Variants in LDLRAD3 observed in about 807,000 individuals in gnomAD.
LDLRAD3 encodes low-density lipoprotein receptor class A domain-containing protein 3.
LDLRAD3 carries 20 observed loss-of-function variants against 29.4 expected under a neutral mutation model. The ratio of observed to expected loss-of-function variants is 0.68; its 90% CI spans 0.48 to 0.99. The LOEUF (loss-of-function observed/expected upper bound fraction) is 0.99. Ranked by LOEUF, LDLRAD3 falls within the 50% of genes least tolerant of loss-of-function variation. The pLI is 0.00. For missense variants in LDLRAD3, 420 were observed against 454.3 expected (o/e 0.92, Z 0.69); for synonymous variants, 157 against 192.7 (o/e 0.81, Z 1.53).
intron 4 of LDLRAD3, among the ~76,000 whole-genome samples, chr11:36,105,046 C>T (rs1177456673): frequency 1.3e-5 from 2 of 152,144 alleles, no homozygotes. Context: ...AAGCAGCCAC[C>T]AATGCCGGGA....
intron 4 of LDLRAD3, among the ~76,000 whole-genome samples, chr11:36,162,470 GA>G (rs1013127251): frequency 6.6e-5 from 10 of 152,308 alleles, no homozygotes; most frequent in Middle Eastern, 6.8e-3. Context: ...TAGACTTGTT[GA>G]GTGTGAAGCT....
At chr11:36,111,009 A>G (rs1385207765) in intron 4 of LDLRAD3, among the ~76,000 whole-genome samples, 5 of 152,162 alleles carry the variant, frequency 3.3e-5, no homozygotes, top group Non-Finnish European at 7.4e-5. Flanking sequence ...GTATGGCTGG[A>G]GCAAAGTGTG....
chr11:36,091,106 A>G (rs1450362550), intron 3 of LDLRAD3, among the ~76,000 whole-genome samples: 3 of 152,158 alleles, frequency 2.0e-5, no homozygotes, highest in African/African-American at 7.2e-5. Context: ...CCTCTCCCTC[A>G]GTTGCCTGGT....
chr11:36,102,747 T>C (rs1399068045), intron 4 of LDLRAD3, among the ~76,000 whole-genome samples: 1 of 152,186 alleles, frequency 6.6e-6, no homozygotes, highest in African/African-American at 2.4e-5. Flanking sequence ...TGGAGCAGGC[T>C]TTCGATGGCT....
chr11:36,172,415 G>C (rs1854610739), intron 4 of LDLRAD3, among the ~76,000 whole-genome samples: 1 of 151,804 alleles, frequency 6.6e-6, no homozygotes, highest in Non-Finnish European at 1.5e-5. Context: ...TTCTCGGGGG[G>C]ACTGCTTTCA....
intron 1 of LDLRAD3, among the ~76,000 whole-genome samples, chr11:35,985,010 G>A (rs1325278097): frequency 2.1e-5 from 3 of 145,166 alleles, no homozygotes; most frequent in African/African-American, 7.8e-5. Flanking sequence ...CTGCAGCCTC[G>A]AACTCCTGGG....
At chr11:36,061,189 G>T (rs1292911257) in intron 2 of LDLRAD3, among the ~76,000 whole-genome samples, 1 of 152,104 alleles carries the variant, frequency 6.6e-6, no homozygotes, top group Non-Finnish European at 1.5e-5. Context: ...CCCAGGCTGT[G>T]ATGCAGTGGT....
In LDLRAD3 at chr11:36,213,442, T is replaced by C. The variant is rs889675902; in HGVS notation, c.455-13643T>C. ...TCCGCATCTAAATTGGGATGGGTGATGTGCTTGGAATAGGGATCCGCAAAG... is the reference window on the plus strand; with the variant it reads ...TCCGCATCTAAATTGGGATGGGTGACGTGCTTGGAATAGGGATCCGCAAAG... On this transcript the variant is annotated intron_variant, in intron 4 of 5. Transcript: ENST00000315571. The surrounding 1 kb of genome is among the most constrained non-coding windows in gnomAD (Gnocchi z 4.1). Among the ~76,000 whole-genome samples the C allele has an allele frequency of 1.3e-5, 2 of 152,246 alleles. No individual in the cohort carries two copies. The highest frequency in any genetic ancestry group is 2.9e-5 in the Non-Finnish European group (2 of 68,038).
chr11:36,075,146 G>A (rs1343146781), intron 2 of LDLRAD3, among the ~76,000 whole-genome samples: 2 of 152,120 alleles, frequency 1.3e-5, no homozygotes, highest in Non-Finnish European at 2.9e-5. Context: ...CATAAAAACC[G>A]TGAGCACTGA....
At chr11:35,946,871 T>C (rs1851063907) in intron 1 of LDLRAD3, among the ~76,000 whole-genome samples, 1 of 152,166 alleles carries the variant, frequency 6.6e-6, no homozygotes, top group Non-Finnish European at 1.5e-5. Flanking sequence ...ACAGCTCAGC[T>C]CGGGAAGATG....
At chr11:36,014,901 G>C (rs562839213) in intron 1 of LDLRAD3, among the ~76,000 whole-genome samples, 138 of 152,216 alleles carry the variant, frequency 9.1e-4, no homozygotes, top group Non-Finnish European at 1.8e-3. Flanking sequence ...ACAAAAGAAG[G>C]GGGGAGCCCC....
chr11:35,985,557 C>T (rs1851604193), intron 1 of LDLRAD3, among the ~76,000 whole-genome samples: 1 of 152,146 alleles, frequency 6.6e-6, no homozygotes, highest in South Asian at 2.1e-4. Context: ...TATGGTTTGG[C>T]TGTGTCCCCA....
intron 4 of LDLRAD3, among the ~76,000 whole-genome samples, chr11:36,132,227 A>C (rs1853936859): frequency 6.6e-6 from 1 of 152,226 alleles, no homozygotes; most frequent in Non-Finnish European, 1.5e-5. Context: ...GGAGAGCGGA[A>C]GACGGAAAAT....
intron 4 of LDLRAD3, among the ~76,000 whole-genome samples, chr11:36,212,860 T>C (rs1020892329): frequency 1.3e-5 from 2 of 152,176 alleles, no homozygotes; most frequent in South Asian, 4.1e-4. Context: ...GTAGCACTTA[T>C]TGAAAGGATG....
At chr11:36,057,297 G>A (rs759793633) in intron 2 of LDLRAD3, among the ~76,000 whole-genome samples, 4 of 152,194 alleles carry the variant, frequency 2.6e-5, no homozygotes, top group Non-Finnish European at 4.4e-5. Context: ...GATGGGGCCA[G>A]AAGCCCACTT....
chr11:36,035,069 T>A (rs1852285714), intron 1 of LDLRAD3, among the ~76,000 whole-genome samples: 1 of 152,206 alleles, frequency 6.6e-6, no homozygotes, highest in South Asian at 2.1e-4. Flanking sequence ...CCTTTATCTC[T>A]GCATCTTTAG....
At chr11:36,165,355 T>TG (rs1477979351) in intron 4 of LDLRAD3, among the ~76,000 whole-genome samples, 2 of 152,040 alleles carry the variant, frequency 1.3e-5, no homozygotes. Context: ...TTTTTTTTTT[T>TG]GCTTTCGTCT....
chr11:36,082,669 A>G (rs1300864344), intron 3 of LDLRAD3, among the ~76,000 whole-genome samples: 1 of 152,174 alleles, frequency 6.6e-6, no homozygotes, highest in African/African-American at 2.4e-5. Flanking sequence ...GTGTGCATGC[A>G]CACACATACT....
chr11:36,041,935 A>G (rs1291535646), intron 2 of LDLRAD3, among the ~76,000 whole-genome samples: 2 of 152,326 alleles, frequency 1.3e-5, no homozygotes, highest in Non-Finnish European at 1.5e-5. Flanking sequence ...TAAAATATTA[A>G]TGAATCTCCA....
Sources: gnomAD v4.1 joint callset for allele counts (sites outside exome capture counted in the v4.1 genomes callset) on GRCh38, gnomAD v4.1.1 for gene constraint, Gnocchi (gnomAD v3.1) non-coding constraint, MANE v1.5 for transcripts, NCBI Gene and HGNC (gene_info 2026-07-23, HGNC 2026-07-21) for gene names.